PCDH15: variants seen among roughly 807,000 people sequenced by gnomAD.
The protein encoded by PCDH15 is protocadherin related 15.
A neutral mutation model predicts 178.5 loss-of-function variants in PCDH15; 129 were observed. That is an observed-to-expected ratio of 0.72 (90% CI 0.63 to 0.84). The LOEUF (loss-of-function observed/expected upper bound fraction) is 0.84. Ranked by LOEUF, PCDH15 falls within the 40% of genes least tolerant of loss-of-function variation. The pLI is 0.00. For missense variants in PCDH15, 2,230 were observed against 2,099.9 expected (o/e 1.06, Z -1.21); for synonymous variants, 800 against 732.0 (o/e 1.09, Z -1.50).
intron 30 of PCDH15, among the ~76,000 whole-genome samples, chr10:53,829,751 A>G (rs1564559271): frequency 6.6e-6 from 1 of 152,146 alleles, no homozygotes; most frequent in Admixed American, 6.5e-5. Context: ...CTGCTTGAAA[A>G]ATATTAAAGG....
At chr10:54,571,477 T>C (rs1428872643) in intron 2 of PCDH15, among the ~76,000 whole-genome samples, 1 of 152,016 alleles carries the variant, frequency 6.6e-6, no homozygotes, top group Non-Finnish European at 1.5e-5. Context: ...AAAATTAATA[T>C]ATTACCTTCA....
intron 2 of PCDH15, among the ~76,000 whole-genome samples, chr10:55,460,934 C>A (rs1211435619): frequency 6.6e-6 from 1 of 152,058 alleles, no homozygotes; most frequent in Non-Finnish European, 1.5e-5. Flanking sequence ...CCATGCAGTG[C>A]TCATCAATAA....
chr10:55,585,757 G>A (rs1842715439), intron 2 of PCDH15, among the ~76,000 whole-genome samples: 2 of 152,124 alleles, frequency 1.3e-5, no homozygotes, highest in African/African-American at 4.8e-5. Flanking sequence ...ATATATGTGT[G>A]TGTGTATATA....
At chr10:54,145,851 C>T (rs560414577) in intron 14 of PCDH15, among the ~76,000 whole-genome samples, 1 of 152,074 alleles carries the variant, frequency 6.6e-6, no homozygotes, top group South Asian at 2.1e-4. Flanking sequence ...GTGATTATAA[C>T]CAAAAGTGCC....
At chr10:53,855,788 TAGACA>T (rs1404991958) in intron 28 of PCDH15, among the ~76,000 whole-genome samples, 1 of 151,152 alleles carries the variant, frequency 6.6e-6, no homozygotes, top group African/African-American at 2.4e-5. Flanking sequence ...GCTTAAAACC[TAGACA>T]ACGGGTTGAT....
intron 2 of PCDH15, among the ~76,000 whole-genome samples, chr10:55,441,651 T>G (rs972708565): frequency 6.6e-6 from 1 of 152,172 alleles, no homozygotes; most frequent in Non-Finnish European, 1.5e-5. Context: ...AGAAACAAGA[T>G]AATCCTAACA....
intron 3 of PCDH15, among the ~76,000 whole-genome samples, chr10:54,891,994 T>C (rs1430275005): frequency 6.6e-6 from 1 of 152,040 alleles, no homozygotes; most frequent in African/African-American, 2.4e-5. Flanking sequence ...GAGGGCATAG[T>C]TCTTAACACA....
chr10:54,651,328 G>T (rs2094256225), intron 2 of PCDH15, among the ~76,000 whole-genome samples: 1 of 152,124 alleles, frequency 6.6e-6, no homozygotes, highest in South Asian at 2.1e-4. Flanking sequence ...GGCAAAGCAA[G>T]AATATATCAC....
At chr10:54,206,148 C>T (rs568704943) in intron 10 of PCDH15, among the ~76,000 whole-genome samples, 1 of 152,176 alleles carries the variant, frequency 6.6e-6, no homozygotes, top group South Asian at 2.1e-4. Flanking sequence ...TTACAACGAA[C>T]ACATGAATCC....
At chr10:54,514,836 T>C (rs1272709158) in intron 3 of PCDH15, among the ~76,000 whole-genome samples, 2 of 152,216 alleles carry the variant, frequency 1.3e-5, no homozygotes, top group African/African-American at 2.4e-5. Context: ...GAAATTCTAA[T>C]AGAGGTATCA....
intron 2 of PCDH15, among the ~76,000 whole-genome samples, chr10:55,552,802 G>T (rs1564450483): frequency 6.6e-6 from 1 of 151,284 alleles, no homozygotes; most frequent in Non-Finnish European, 1.5e-5. Context: ...TGTACTAAAA[G>T]AGAAAAAGTA....
intron 2 of PCDH15, among the ~76,000 whole-genome samples, chr10:55,627,111 A>G (rs1837544859): frequency 1.3e-5 from 2 of 152,128 alleles, no homozygotes. Context: ...GATATCCTCC[A>G]ACTTAAAAGA....
chr10:54,975,985 T>C (rs1163329070), intron 2 of PCDH15, among the ~76,000 whole-genome samples: 3 of 152,090 alleles, frequency 2.0e-5, no homozygotes, highest in Non-Finnish European at 4.4e-5. Context: ...CTATGGTAAT[T>C]CTGTTTACCC....
intron 2 of PCDH15, among the ~76,000 whole-genome samples, chr10:55,091,245 G>A (rs1842310202): frequency 6.6e-6 from 1 of 151,894 alleles, no homozygotes; most frequent in African/African-American, 2.4e-5. Context: ...AAGTATTTAA[G>A]TAGACTGTAA....
intron 26 of PCDH15, among the ~76,000 whole-genome samples, chr10:53,882,011 A>G (rs981364241): frequency 7.3e-6 from 1 of 137,534 alleles, no homozygotes; most frequent in Admixed American, 7.7e-5. Flanking sequence ...TTTTTTTAAC[A>G]TGGAGTTTGT....
intron 3 of PCDH15, among the ~76,000 whole-genome samples, chr10:54,820,837 T>C (rs1396124366): frequency 1.3e-5 from 2 of 152,046 alleles, no homozygotes; most frequent in African/African-American, 4.8e-5. Flanking sequence ...ATTATATTAA[T>C]TCCATTATGG....
At chr10:55,100,437 A>G (rs541971324) in intron 2 of PCDH15, among the ~76,000 whole-genome samples, 2 of 152,232 alleles carry the variant, frequency 1.3e-5, no homozygotes, top group Admixed American at 6.5e-5. Flanking sequence ...GTGTGCTGCT[A>G]TAAAGAAATA....
chr10:54,836,292 G>A (rs575592064), intron 3 of PCDH15, among the ~76,000 whole-genome samples: 1 of 152,168 alleles, frequency 6.6e-6, no homozygotes, highest in Middle Eastern at 3.4e-3. Context: ...GAGCATTCCT[G>A]ACTGGAGTAA....
intron 9 of PCDH15, among the ~76,000 whole-genome samples, chr10:54,217,689 T>C (rs896473740): frequency 2.0e-5 from 3 of 152,144 alleles, no homozygotes; most frequent in Admixed American, 1.3e-4. Context: ...CAGAACTATA[T>C]ATAATGGCCA....
Sources: allele counts gnomAD v4.1 joint callset (sites outside exome capture counted in the v4.1 genomes callset), GRCh38; gene constraint gnomAD v4.1.1; transcripts MANE v1.5; gene names NCBI Gene and HGNC (gene_info 2026-07-23, HGNC 2026-07-21).